AGMO: variants seen among roughly 807,000 people sequenced by gnomAD.
AGMO encodes alkylglycerol monooxygenase.
A neutral mutation model predicts 60.2 loss-of-function variants in AGMO; 75 were observed. The observed-to-expected ratio is 1.25, with a 90% CI of 1.03 to 1.51. The LOEUF (loss-of-function observed/expected upper bound fraction) is 1.51, where lower values mean the gene tolerates loss of function less well. Among genes scored for constraint, AGMO ranks in the 40% most tolerant of loss-of-function variants. The pLI, the probability that AGMO is intolerant of heterozygous loss-of-function variation, is 0.00. For synonymous variants in AGMO, 261 were observed against 177.1 expected (o/e 1.47, Z -3.76); for missense variants, 763 against 525.5 (o/e 1.45, Z -4.42).
In AGMO at chr7:15,418,737, T is replaced by A. The variant is rs140890749; in HGVS notation, c.514-84A>T. The A allele has an allele frequency of 2.6e-4, 210 of 813,496 alleles. No individual in the cohort carries two copies. In the East Asian group the frequency reaches 5.9e-3, roughly 23 times the overall value. 50.4% of individuals were successfully genotyped at this position (813,496 alleles called of 1,614,324 possible). On this transcript the variant is annotated intron_variant, in intron 4 of 12. Transcript: ENST00000342526. ...AATGGTTCAATATTCTGAATGCATATTTCTTTAGGAAATATATCTCATACT... is the reference window on the plus strand; with the variant it reads ...AATGGTTCAATATTCTGAATGCATAATTCTTTAGGAAATATATCTCATACT...
At chr7:15,118,216 A>G in the AGMO span, among the ~76,000 whole-genome samples, 1 of 151,650 alleles carries the variant, frequency 6.6e-6, no homozygotes, top group African/African-American at 2.4e-5. Flanking sequence ...ACACATATAT[A>G]CAAACAGATA....
intron 12 of AGMO, among the ~76,000 whole-genome samples, chr7:15,201,581 T>C (rs1423280960): frequency 6.6e-6 from 1 of 152,182 alleles, no homozygotes; most frequent in East Asian, 1.9e-4. Flanking sequence ...TTTATTTCTG[T>C]GGCTTGTTTC....
intron 12 of AGMO, among the ~76,000 whole-genome samples, chr7:15,303,526 G>A (rs1253729619): frequency 6.6e-6 from 1 of 151,978 alleles, no homozygotes; most frequent in African/African-American, 2.4e-5. Flanking sequence ...CCAGTGAGAA[G>A]AAATGACCCC....
At chr7:15,500,537 T>C (rs1287928287) in intron 3 of AGMO, among the ~76,000 whole-genome samples, 1 of 151,920 alleles carries the variant, frequency 6.6e-6, no homozygotes, top group East Asian at 1.9e-4. Context: ...ATCAAGCTTA[T>C]AGAAAAGTTT....
rs150291017 is a variant in AGMO at position 15,543,346 on chromosome 7, A to T, written c.409+1426T>A. ...AGGTTCAGACCTAGATTTGTTCCTCATTCTTCCATTTCCCTTTCTATAACA... is the reference window on the plus strand; with the variant it reads ...AGGTTCAGACCTAGATTTGTTCCTCTTTCTTCCATTTCCCTTTCTATAACA... On this transcript the variant is annotated intron_variant, in intron 3 of 12. Coordinates refer to ENST00000342526, the MANE Select transcript of AGMO (RefSeq NM_001004320.2). Among the ~76,000 whole-genome samples the T allele has an allele frequency of 2.8e-3, 427 of 152,274 alleles. 3 individuals carry two copies. Among genetic ancestry groups the T allele is most frequent in the African/African-American group, 9.8e-3 (408 of 41,558 alleles).
intron 3 of AGMO, among the ~76,000 whole-genome samples, chr7:15,490,555 G>A (rs777285984): frequency 2.6e-5 from 4 of 152,080 alleles, no homozygotes; most frequent in Non-Finnish European, 4.4e-5. Context: ...AACACAGACA[G>A]GAACTTGGTT....
chr7:15,556,473 A>T (rs559306125), intron 2 of AGMO, among the ~76,000 whole-genome samples: 1 of 152,176 alleles, frequency 6.6e-6, no homozygotes, highest in South Asian at 2.1e-4. Flanking sequence ...TCAACAGAAT[A>T]AATGAACCCA....
At chr7:15,561,582 C>T in intron 1 of AGMO, 138 bp downstream of exon 1, 1 of 884,336 alleles carries the variant, frequency 1.1e-6, no homozygotes, top group East Asian at 3.2e-5. Flanking sequence ...TTGCTTCACG[C>T]CTTTAAGAAA....
At chr7:15,428,377 G>T (rs1468412336) in intron 4 of AGMO, among the ~76,000 whole-genome samples, 10 of 152,110 alleles carry the variant, frequency 6.6e-5, no homozygotes. Context: ...ATATTTAGCA[G>T]CTTGTCATGC....
intron 4 of AGMO, among the ~76,000 whole-genome samples, chr7:15,424,566 G>T (rs1339004003): frequency 6.6e-6 from 1 of 152,132 alleles, no homozygotes; most frequent in Non-Finnish European, 1.5e-5. Context: ...AAATGACTTT[G>T]AATATTTCTG....
chr7:15,254,433 C>T (rs1020557579), intron 12 of AGMO, among the ~76,000 whole-genome samples: 3 of 152,068 alleles, frequency 2.0e-5, no homozygotes, highest in Non-Finnish European at 2.9e-5. Flanking sequence ...GCCCTTCTAA[C>T]TGAGGTGAGG....
At chr7:15,552,241 A>G (rs1282359307) in intron 2 of AGMO, among the ~76,000 whole-genome samples, 1 of 152,214 alleles carries the variant, frequency 6.6e-6, no homozygotes, top group Non-Finnish European at 1.5e-5. Context: ...AGGCATTACC[A>G]TTCGGGACAT....
the AGMO span, among the ~76,000 whole-genome samples, chr7:15,122,680 A>C: frequency 6.6e-6 from 1 of 152,064 alleles, no homozygotes; most frequent in Non-Finnish European, 1.5e-5. Context: ...TATTTCTCTA[A>C]CAGTCACATC....
At chr7:15,354,353 T>TACGTACGCGTGTATAC (rs1235732008) in intron 12 of AGMO, among the ~76,000 whole-genome samples, 1 of 72,476 alleles carries the variant, frequency 1.4e-5, no homozygotes, top group Non-Finnish European at 2.7e-5. Context: ...CGCGTGTATA[T>TACGTACGCGTGTATAC]AGACGTGTGT....
intron 3 of AGMO, among the ~76,000 whole-genome samples, chr7:15,438,905 A>G (rs1781473884): frequency 1.3e-5 from 2 of 152,234 alleles, no homozygotes; most frequent in South Asian, 4.1e-4. Context: ...GTGATGCAAT[A>G]ACCACAAATA....
intron 3 of AGMO, among the ~76,000 whole-genome samples, chr7:15,475,157 A>C (rs901781896): frequency 3.3e-5 from 5 of 152,228 alleles, no homozygotes; most frequent in African/African-American, 1.2e-4. Flanking sequence ...ATCTAGAACT[A>C]GAAATACCTT....
intron 12 of AGMO, among the ~76,000 whole-genome samples, chr7:15,235,382 G>C (rs1195073839): frequency 1.3e-5 from 2 of 152,056 alleles, no homozygotes; most frequent in Non-Finnish European, 2.9e-5. Context: ...TGAATGACTA[G>C]AGTGTTAATT....
At chr7:15,231,934 G>C (rs935656367) in intron 12 of AGMO, among the ~76,000 whole-genome samples, 3 of 152,144 alleles carry the variant, frequency 2.0e-5, no homozygotes, top group Non-Finnish European at 4.4e-5. Context: ...CAGATTGTTA[G>C]AAAAATGCCA....
At chr7:15,378,103 A>AG (rs1222858517) in intron 10 of AGMO, among the ~76,000 whole-genome samples, 1 of 152,026 alleles carries the variant, frequency 6.6e-6, no homozygotes, top group Non-Finnish European at 1.5e-5. Context: ...ATAGTATCCT[A>AG]GTTCCTGCAT....
Sources: gnomAD v4.1 joint callset for allele counts (sites outside exome capture counted in the v4.1 genomes callset) on GRCh38, gnomAD v4.1.1 for gene constraint, MANE v1.5 for transcripts, NCBI Gene and HGNC (gene_info 2026-07-23, HGNC 2026-07-21) for gene names.